DCLK1: variants seen among roughly 807,000 people sequenced by gnomAD.
The protein encoded by DCLK1 is serine/threonine-protein kinase DCLK1.
In DCLK1, 16 loss-of-function variants were observed where a neutral mutation model predicts 86.2. The observed-to-expected ratio is 0.19, with a 90% CI of 0.13 to 0.28. DCLK1 has a LOEUF of 0.28. Among genes scored for constraint, DCLK1 ranks in the 10% least tolerant of loss-of-function variants. DCLK1 has a pLI of 1.00. For missense variants in DCLK1, 590 were observed against 940.2 expected (o/e 0.63, Z 4.87); for synonymous variants, 369 against 370.5 (o/e 1.00, Z 0.05).
chr13:35,770,934 T>C lies in DCLK1; in HGVS notation c.*3601A>G, dbSNP rs1038526237. 5.9e-5 allele frequency: 9 copies of C among 152,200 alleles called. No homozygotes were observed. Among genetic ancestry groups the C allele is most frequent in the African/African-American group, 1.7e-4 (7 of 41,444 alleles). 9.4% of individuals were successfully genotyped at this position (152,200 alleles called of 1,614,324 possible). ...AACTTCAGCCTGGGGCACATTTTTATGGTCAAATTAAAAACCTTTGAGAAT... is the reference window on the plus strand; with the variant it reads ...AACTTCAGCCTGGGGCACATTTTTACGGTCAAATTAAAAACCTTTGAGAAT... On this transcript the variant is annotated 3_prime_UTR_variant, in exon 17 of 17. Transcript: ENST00000360631.
At chr13:36,053,090 G>A (rs978014451) in intron 3 of DCLK1, among the ~76,000 whole-genome samples, 6 of 152,168 alleles carry the variant, frequency 3.9e-5, no homozygotes, top group South Asian at 2.1e-4. Flanking sequence ...TTCTGTTAGA[G>A]AGTGCATTCC....
At chr13:35,805,994 A>G (rs2087019609) in intron 14 of DCLK1, among the ~76,000 whole-genome samples, 1 of 152,224 alleles carries the variant, frequency 6.6e-6, no homozygotes, top group South Asian at 2.1e-4. Context: ...TGGTTGAATA[A>G]AAATTAAATT....
intron 6 of DCLK1, 105 bp downstream of exon 6, chr13:35,854,394 G>C: frequency 1.2e-6 from 1 of 842,326 alleles, no homozygotes; most frequent in South Asian, 3.4e-5. Context: ...TCCTGTTCTA[G>C]CTTAGATATC....
At chr13:36,000,114 C>T (rs9546065) in intron 3 of DCLK1, among the ~76,000 whole-genome samples, 12,592 of 152,204 alleles carry the variant, frequency 0.083, 744 homozygotes, top group African/African-American at 0.15. Context: ...ACATGGCCAG[C>T]CTGCCCTATT....
At chr13:36,002,296 C>A (rs1157222214) in intron 3 of DCLK1, among the ~76,000 whole-genome samples, 1 of 152,152 alleles carries the variant, frequency 6.6e-6, no homozygotes, top group Non-Finnish European at 1.5e-5. Context: ...TTCTGAGTTT[C>A]AATTTAGTGT....
chr13:35,819,200 C>T (rs1316633734), intron 11 of DCLK1, among the ~76,000 whole-genome samples: 1 of 152,144 alleles, frequency 6.6e-6, no homozygotes, highest in East Asian at 1.9e-4. Flanking sequence ...TAGTTAAATA[C>T]AACAATAAAT....
At chr13:35,985,096 G>A (rs537388888) in intron 3 of DCLK1, among the ~76,000 whole-genome samples, 29 of 152,288 alleles carry the variant, frequency 1.9e-4, no homozygotes, top group South Asian at 4.1e-4. Context: ...GCTTAAAATA[G>A]AAGTTCTGTG....
chr13:36,044,275 AC>A (rs1457339423), intron 3 of DCLK1, among the ~76,000 whole-genome samples: 1 of 152,062 alleles, frequency 6.6e-6, no homozygotes, highest in Admixed American at 6.6e-5. Context: ...AGCCAAATAA[AC>A]CTCTTTTCCA....
chr13:36,006,859 T>C (rs960633813), intron 3 of DCLK1, among the ~76,000 whole-genome samples: 6 of 152,214 alleles, frequency 3.9e-5, no homozygotes, highest in African/African-American at 1.4e-4. Context: ...TGGACTATGA[T>C]ATTACTATGA....
At chr13:35,948,781 A>AG (rs1877516907) in intron 3 of DCLK1, among the ~76,000 whole-genome samples, 1 of 152,214 alleles carries the variant, frequency 6.6e-6, no homozygotes, top group South Asian at 2.1e-4. Flanking sequence ...TGCCCATGAA[A>AG]GCTTAAAAAC....
intron 3 of DCLK1, among the ~76,000 whole-genome samples, chr13:36,081,697 T>C (rs559733285): frequency 6.6e-6 from 1 of 152,236 alleles, no homozygotes; most frequent in South Asian, 2.1e-4. Context: ...CATGAAGGTC[T>C]CACAACTTAT....
chr13:35,936,755 T>C (rs1312588992), intron 4 of DCLK1, among the ~76,000 whole-genome samples: 1 of 152,078 alleles, frequency 6.6e-6, no homozygotes, highest in Admixed American at 6.6e-5. Context: ...TCTGATGGAT[T>C]TGAGGGCACA....
intron 3 of DCLK1, among the ~76,000 whole-genome samples, chr13:36,078,220 A>G (rs1424461412): frequency 1.3e-5 from 2 of 152,310 alleles, no homozygotes; most frequent in East Asian, 3.9e-4. Flanking sequence ...ATCTGCCAGC[A>G]CCTTGATCTT....
At chr13:36,013,782 T>A (rs1216152596) in intron 3 of DCLK1, among the ~76,000 whole-genome samples, 1 of 152,194 alleles carries the variant, frequency 6.6e-6, no homozygotes, top group Non-Finnish European at 1.5e-5. Context: ...GGCTGCTTTG[T>A]TTACCTAAGC....
rs1593569776 is a variant in DCLK1 at position 35,769,014 on chromosome 13, T to G, written c.*5521A>C. 6.6e-6 allele frequency: 1 copy of G among 152,208 alleles called. No individual in the cohort carries two copies. Among genetic ancestry groups the G allele is most frequent in the African/African-American group, 2.4e-5 (1 of 41,460 alleles). 9.4% of individuals were successfully genotyped at this position (152,208 alleles called of 1,614,324 possible). ...CCAAGTACTATTATTTTATTAACTT[T>G]AAGAACATGTTTTACATAAAAACAG... On this transcript the variant is annotated 3_prime_UTR_variant, in exon 17 of 17. Transcript: ENST00000360631.
intron 3 of DCLK1, among the ~76,000 whole-genome samples, chr13:36,095,452 C>T (rs893008201): frequency 3.3e-5 from 5 of 152,040 alleles, no homozygotes; most frequent in South Asian, 2.1e-4. Flanking sequence ...GCAATCCGCC[C>T]GCCTCAACTT....
At chr13:36,060,882 C>T (rs900211162) in intron 3 of DCLK1, among the ~76,000 whole-genome samples, 1 of 152,080 alleles carries the variant, frequency 6.6e-6, no homozygotes, top group Non-Finnish European at 1.5e-5. Flanking sequence ...CCCAGAATGC[C>T]GTGTCTGCAG....
rs572171940 is a variant in DCLK1 at position 36,071,678 on chromosome 13, A to C, written c.723+40191T>G. On this transcript the variant is annotated intron_variant, in intron 3 of 16. Coordinates refer to ENST00000360631, the MANE Select transcript of DCLK1 (RefSeq NM_001330071.2). ...TAAAAGGCAAGAATGCTACTATCTA[A>C]ATTTTACAAATTAGGCAACCAAGGC... Among the ~76,000 whole-genome samples the C allele has an allele frequency of 5.3e-5, 8 of 152,322 alleles. No homozygotes were observed. In the South Asian group the frequency reaches 1.7e-3, roughly 32 times the overall value.
intron 3 of DCLK1, among the ~76,000 whole-genome samples, chr13:36,082,728 A>G (rs768842575): frequency 2.0e-5 from 3 of 152,226 alleles, no homozygotes; most frequent in Non-Finnish European, 2.9e-5. Context: ...AGTTGTAGAA[A>G]GCACTAGAAG....
Sources: allele counts gnomAD v4.1 joint callset (sites outside exome capture counted in the v4.1 genomes callset), GRCh38; gene constraint gnomAD v4.1.1; transcripts MANE v1.5; gene names NCBI Gene and HGNC (gene_info 2026-07-23, HGNC 2026-07-21).